DDO: variants seen among roughly 807,000 people sequenced by gnomAD.
DDO encodes the protein D-aspartate oxidase, DDO.
Under a neutral mutation model 16.8 loss-of-function variants are expected in DDO, and 16 were observed. The ratio of observed to expected loss-of-function variants is 0.95; its 90% CI spans 0.65 to 1.45. The LOEUF is 1.45. Ranked by LOEUF, DDO falls within the 40% of genes most tolerant of loss-of-function variation. The pLI, the probability that DDO is intolerant of heterozygous loss-of-function variation, is 0.00. For missense variants in DDO, 429 were observed against 420.3 expected, an observed-to-expected ratio of 1.02 and a Z score of -0.18; for synonymous variants, 180 against 167.2, an observed-to-expected ratio of 1.08 and a Z score of -0.59.
At chr6:110,411,111 T>C (rs9481063) in intron 2 of DDO, among the ~76,000 whole-genome samples, 131,923 of 152,090 alleles carry the variant, frequency 0.87, 57,332 homozygotes, top group East Asian at 0.96. Context: ...CGGGCCTTCA[T>C]CTTCCCCAGG....
rs1773137406 is a variant in DDO, at chr6:110,392,705, A to G, written c.*70T>C. On this transcript the variant is annotated 3_prime_UTR_variant, in exon 5 of 5. Transcript: ENST00000368924. ...TCTAATTAAACTTTCATGCAGTGGA[A>G]AAGTTATTTGAACCTGTTCTGTGCT... 1 of 1,462,258 alleles carries G rather than the reference A, an allele frequency of 6.8e-7. No homozygotes were observed. 90.6% of individuals were successfully genotyped at this position (1,462,258 alleles called of 1,614,324 possible).
rs753761875 is a variant in DDO, at chr6:110,404,971, A to AT, written c.282-22dup. ...GCCAACTCAAACGTATTAAGTGAAC[A>AT]TTTTTTCCTGAAATTTGTGAAATAA... On this transcript the variant is annotated intron_variant, in intron 3 of 4. Transcript: ENST00000368924. The AT allele has an allele frequency of 7.5e-6, 12 of 1,605,422 alleles. No homozygotes were observed. The African/African-American group carries it at 1.2e-4, about 16-fold the overall frequency.
At chr6:110,395,693 A>T (rs1032326278) in intron 4 of DDO, among the ~76,000 whole-genome samples, 26 of 152,210 alleles carry the variant, frequency 1.7e-4, no homozygotes, top group African/African-American at 5.8e-4. Context: ...ATAATAAAAA[A>T]GACAGAAACT....
intron 3 of DDO, 149 bp downstream of exon 3, chr6:110,408,185 G>A: frequency 1.6e-6 from 1 of 621,178 alleles, no homozygotes; most frequent in Non-Finnish European, 2.7e-6. Context: ...AGTTCTTTGG[G>A]GTAAAGCCTA....
In DDO at chr6:110,412,946, C is replaced by T. The variant is rs1773908573; in HGVS notation, c.172+345G>A. ...ATCGCTTGAGGTCAGGAGTTGAAGACCAGCCTGGGCAACAAGACAAGACCT... is the reference window on the plus strand; with the variant it reads ...ATCGCTTGAGGTCAGGAGTTGAAGATCAGCCTGGGCAACAAGACAAGACCT... On this transcript the variant is annotated intron_variant, in intron 2 of 4. Transcript: ENST00000368924. 3.9e-5 allele frequency among the ~76,000 whole-genome samples: 6 copies of T among 152,088 alleles called. No homozygotes were observed. The South Asian group carries it at 1.0e-3, about 26-fold the overall frequency.
At chr6:110,393,435 G>T in intron 4 of DDO, 93 bp from the exon 5 acceptor site, 1 of 1,475,946 alleles carries the variant, frequency 6.8e-7, no homozygotes, top group East Asian at 2.3e-5. Flanking sequence ...ACAAAAATTA[G>T]GTGATGATCT....
chr6:110,404,719 G>A (rs998765682), intron 4 of DDO, 55 bp downstream of exon 4: 29 of 1,575,366 alleles, frequency 1.8e-5, no homozygotes, highest in African/African-American at 6.8e-5. Context: ...GAATAGCTAC[G>A]AAGTGATTTA....
At chr6:110,414,501 T>A (rs1409010070) in intron 1 of DDO, among the ~76,000 whole-genome samples, 2 of 152,228 alleles carry the variant, frequency 1.3e-5, no homozygotes, top group Non-Finnish European at 2.9e-5. Flanking sequence ...GGGACAGACA[T>A]CCCGGAGCCC....
chr6:110,410,634 GC>G (rs1773823769), intron 2 of DDO, among the ~76,000 whole-genome samples: 1 of 152,230 alleles, frequency 6.6e-6, no homozygotes, highest in Admixed American at 6.5e-5. Flanking sequence ...AGTGGGGAAA[GC>G]CCCTTATAAA....
chr6:110,412,657 T>C (rs957800086), intron 2 of DDO, among the ~76,000 whole-genome samples: 45 of 152,326 alleles, frequency 3.0e-4, no homozygotes, highest in African/African-American at 1.1e-3. Flanking sequence ...CCTGGGCACA[T>C]GCGCTGATGA....
At chr6:110,412,151 C>T (rs534168170) in intron 2 of DDO, among the ~76,000 whole-genome samples, 1 of 151,896 alleles carries the variant, frequency 6.6e-6, no homozygotes, top group Non-Finnish European at 1.5e-5. Flanking sequence ...GAGGCTGAGG[C>T]ATGAGAATCT....
intron 2 of DDO, among the ~76,000 whole-genome samples, 153 bp from the exon 3 acceptor site, chr6:110,408,595 AT>A: frequency 6.6e-6 from 1 of 151,748 alleles, no homozygotes; most frequent in Middle Eastern, 3.4e-3. Context: ...AAAGTGCCAC[AT>A]TGTGGCAGAG....
At position 110,392,619 on chromosome 6, in the gene DDO, G is replaced by A; in HGVS notation, c.*156C>T. On this transcript the variant is annotated 3_prime_UTR_variant, in exon 5 of 5. Coordinates refer to ENST00000368924, the MANE Select transcript of DDO (RefSeq NM_001372108.2). ...AGCCTCTCAAGTAGCTGGGACTATAGGCATGCCACCGTGCTCAGCTTACAT... is the reference window on the plus strand; with the variant it reads ...AGCCTCTCAAGTAGCTGGGACTATAAGCATGCCACCGTGCTCAGCTTACAT... 6 of 1,308,552 alleles carry A rather than the reference G, an allele frequency of 4.6e-6. No individual in the cohort carries two copies. The highest frequency in any genetic ancestry group is 5.8e-6 in the Non-Finnish European group (6 of 1,032,746). 81.1% of individuals were successfully genotyped at this position (1,308,552 alleles called of 1,614,324 possible).
intron 3 of DDO, among the ~76,000 whole-genome samples, chr6:110,405,969 T>C (rs1031888058): frequency 2.6e-5 from 4 of 152,238 alleles, no homozygotes; most frequent in African/African-American, 9.6e-5. Flanking sequence ...CTAAGCATAG[T>C]TGCTAATAAT....
chr6:110,412,035 C>T (rs1243436111), intron 2 of DDO, among the ~76,000 whole-genome samples: 5 of 152,100 alleles, frequency 3.3e-5, no homozygotes, highest in Non-Finnish European at 5.9e-5. Context: ...ATTGGGAGGC[C>T]AGGAGTTTGA....
At chr6:110,398,401 C>T (rs1773358081) in intron 4 of DDO, among the ~76,000 whole-genome samples, 1 of 146,512 alleles carries the variant, frequency 6.8e-6, no homozygotes, top group African/African-American at 2.6e-5. Flanking sequence ...CACACACACA[C>T]ACACACACAC....
intron 2 of DDO, among the ~76,000 whole-genome samples, chr6:110,410,928 C>A (rs558762297): frequency 6.6e-5 from 10 of 152,246 alleles, no homozygotes; most frequent in Non-Finnish European, 1.2e-4. Flanking sequence ...TATTACCACC[C>A]TAATAAAAGA....
intron 4 of DDO, among the ~76,000 whole-genome samples, chr6:110,401,173 T>C (rs1370457498): frequency 2.0e-5 from 3 of 152,224 alleles, no homozygotes; most frequent in Non-Finnish European, 2.9e-5. Flanking sequence ...CTTAGGAATC[T>C]AGAAATTCTA....
intron 4 of DDO, among the ~76,000 whole-genome samples, chr6:110,397,599 T>G (rs909107806): frequency 6.6e-6 from 1 of 152,222 alleles, no homozygotes; most frequent in Non-Finnish European, 1.5e-5. Flanking sequence ...TTATAGGGTT[T>G]TTATGATGAT....
Sources: gnomAD v4.1 joint callset for allele counts (sites outside exome capture counted in the v4.1 genomes callset) on GRCh38, gnomAD v4.1.1 for gene constraint, MANE v1.5 for transcripts, NCBI Gene and HGNC (gene_info 2026-07-23, HGNC 2026-07-21) for gene names.